CTNNA3: variants seen among roughly 807,000 people sequenced by gnomAD.
CTNNA3 encodes catenin alpha 3.
Under a neutral mutation model 95.7 loss-of-function variants are expected in CTNNA3, and 76 were observed. The ratio of observed to expected loss-of-function variants is 0.79; its 90% CI spans 0.66 to 0.96. The LOEUF (loss-of-function observed/expected upper bound fraction) is 0.96, where lower values mean the gene tolerates loss of function less well. Ranked by LOEUF, CTNNA3 falls within the 40% of genes least tolerant of loss-of-function variation. The pLI is 0.00. For missense variants in CTNNA3, 1,191 were observed against 1,089.8 expected (o/e 1.09, Z -1.31); for synonymous variants, 431 against 374.4 (o/e 1.15, Z -1.74).
chr10:67,432,940 G>A (rs12249176), intron 5 of CTNNA3, among the ~76,000 whole-genome samples: 18,232 of 151,972 alleles, frequency 0.12, 1,583 homozygotes, highest in African/African-American at 0.24. Flanking sequence ...TTTTCTAGAA[G>A]AGTATGTGTA....
chr10:66,062,687 A>C (rs2080227405), intron 15 of CTNNA3, among the ~76,000 whole-genome samples: 2 of 152,150 alleles, frequency 1.3e-5, no homozygotes, highest in Non-Finnish European at 2.9e-5. Flanking sequence ...CAAGCACAAG[A>C]GATTATCAGA....
In CTNNA3 at chr10:66,067,864, C is replaced by T. The variant is rs182802198; in HGVS notation, c.2159+1444G>A. ...CCCAAAGGCAGAGGTTGCAGTGAGC[C>T]GAGATCGTGCCACTGCACTCCAGCC... On this transcript the variant is annotated intron_variant, in intron 15 of 17. Coordinates refer to ENST00000433211, the MANE Select transcript of CTNNA3 (RefSeq NM_013266.4). Among the ~76,000 whole-genome samples, 390 of 152,018 alleles carry T rather than the reference C, an allele frequency of 2.6e-3. 5 individuals are homozygous for T. Among genetic ancestry groups the T allele is most frequent in the African/African-American group, 9.1e-3 (376 of 41,452 alleles).
At chr10:66,826,222 G>A (rs1437781772) in intron 7 of CTNNA3, among the ~76,000 whole-genome samples, 2 of 152,112 alleles carry the variant, frequency 1.3e-5, no homozygotes, top group African/African-American at 4.8e-5. Context: ...CTGTGTCAAT[G>A]GTAGAGCAAT....
intron 13 of CTNNA3, among the ~76,000 whole-genome samples, chr10:66,189,754 A>C (rs1480024647): frequency 2.6e-5 from 4 of 151,628 alleles, no homozygotes; most frequent in African/African-American, 9.7e-5. Context: ...TTTTATATTT[A>C]GGTATATGTT....
intron 5 of CTNNA3, among the ~76,000 whole-genome samples, chr10:67,295,460 G>A (rs544021250): frequency 6.6e-6 from 1 of 151,938 alleles, no homozygotes. Flanking sequence ...TTTGAGTCAC[G>A]TGGGAATTCC....
intron 5 of CTNNA3, among the ~76,000 whole-genome samples, chr10:67,443,939 T>C (rs1413980166): frequency 3.3e-5 from 5 of 152,204 alleles, no homozygotes; most frequent in African/African-American, 1.2e-4. Context: ...GGTCTAATGT[T>C]TAAGTCTTTA....
intron 15 of CTNNA3, among the ~76,000 whole-genome samples, chr10:66,030,456 G>A (rs1488725461): frequency 6.6e-6 from 1 of 152,116 alleles, no homozygotes; most frequent in Admixed American, 6.5e-5. Flanking sequence ...AAGCAATGGG[G>A]AAAGGATTCC....
intron 11 of CTNNA3, among the ~76,000 whole-genome samples, chr10:66,390,508 G>A (rs2092926638): frequency 6.6e-6 from 1 of 152,054 alleles, no homozygotes; most frequent in Non-Finnish European, 1.5e-5. Context: ...GCTACCCAGT[G>A]TATATGAGCT....
intron 12 of CTNNA3, among the ~76,000 whole-genome samples, chr10:66,378,898 A>C (rs1440854087): frequency 6.6e-6 from 1 of 152,324 alleles, no homozygotes; most frequent in South Asian, 2.1e-4. Flanking sequence ...TGAACATTCT[A>C]AGTGGTTTCT....
At chr10:66,377,301 T>G (rs1417055847) in intron 12 of CTNNA3, among the ~76,000 whole-genome samples, 4 of 152,084 alleles carry the variant, frequency 2.6e-5, no homozygotes, top group Non-Finnish European at 4.4e-5. Flanking sequence ...ACATAATTTA[T>G]CTAGAGAATT....
chr10:67,268,792 T>C (rs1365792743), intron 5 of CTNNA3, among the ~76,000 whole-genome samples: 2 of 152,218 alleles, frequency 1.3e-5, no homozygotes, highest in Non-Finnish European at 2.9e-5. Flanking sequence ...AGCTATTGTA[T>C]ATGCAAATGA....
intron 7 of CTNNA3, among the ~76,000 whole-genome samples, chr10:66,846,126 T>C (rs559628600): frequency 1.1e-3 from 156 of 135,888 alleles, no homozygotes; most frequent in African/African-American, 4.3e-3. Flanking sequence ...AGCGAGACTC[T>C]GTCTCAAAAA....
intron 7 of CTNNA3, among the ~76,000 whole-genome samples, chr10:67,175,180 C>T (rs771145226): frequency 5.3e-5 from 8 of 151,414 alleles, no homozygotes; most frequent in African/African-American, 1.9e-4. Context: ...AAAACATAGG[C>T]TGAAAACTGC....
chr10:66,724,707 G>A (rs117510036), intron 9 of CTNNA3, among the ~76,000 whole-genome samples: 3,388 of 152,206 alleles, frequency 0.022, 51 homozygotes, highest in Non-Finnish European at 0.038. Context: ...ACATACTTTG[G>A]AAAGAGAAGT....
At chr10:66,365,278 C>G (rs1320689032) in intron 12 of CTNNA3, among the ~76,000 whole-genome samples, 2 of 152,058 alleles carry the variant, frequency 1.3e-5, no homozygotes, top group African/African-American at 4.8e-5. Context: ...AGCAAACTAT[C>G]ATAAGATGAG....
At position 65,982,202 on chromosome 10, in the gene CTNNA3, C is replaced by CA. The variant is rs200261953; in HGVS notation, c.2265+6489dup. Among the ~76,000 whole-genome samples, 1,351 of 137,890 alleles carry CA rather than the reference C, an allele frequency of 9.8e-3. 14 individuals carry two copies. Among genetic ancestry groups the CA allele is most frequent in the African/African-American group, 0.014 (512 of 37,144 alleles). 90.5% of individuals were successfully genotyped at this position (137,890 alleles called of 152,430 possible). A position where few individuals can be genotyped will look rare whatever the true frequency, so the allele number is the denominator to read the frequency against. ...GCTAAGGACATGAATAGACGATTCT[C>CA]AAAAAAAAAAAGATATACAAATGGC... On this transcript the variant is annotated intron_variant, in intron 16 of 17. Transcript: ENST00000433211.
intron 5 of CTNNA3, among the ~76,000 whole-genome samples, chr10:67,257,275 G>C (rs755275912): frequency 1.4e-5 from 2 of 142,360 alleles, no homozygotes; most frequent in Non-Finnish European, 3.1e-5. Flanking sequence ...ATAAAGACAG[G>C]GTTTGTGATT....
In CTNNA3 at chr10:67,750,082, C is replaced by T. The variant is rs539067682; in HGVS notation, c.-2+13352G>A. On this transcript the variant is annotated intron_variant, in intron 1 of 17. Coordinates refer to the CTNNA3 transcript ENST00000684154. ...TTTGAAGTCAGCGAGACTATGAACC[C>T]GCCAGAAGGAAGAAACTCTGGACAC... Among the ~76,000 whole-genome samples the T allele has an allele frequency of 3.3e-5, 5 of 152,198 alleles. No homozygotes were observed. The South Asian group carries it at 8.3e-4, about 25-fold the overall frequency.
chr10:66,560,562 T>G (rs1842522557), intron 10 of CTNNA3, among the ~76,000 whole-genome samples: 1 of 152,088 alleles, frequency 6.6e-6, no homozygotes, highest in South Asian at 2.1e-4. Context: ...TGTACTTTTA[T>G]CATTTGGGAA....
Sources: allele counts gnomAD v4.1 joint callset (sites outside exome capture counted in the v4.1 genomes callset), GRCh38; gene constraint gnomAD v4.1.1; transcripts MANE v1.5; gene names NCBI Gene and HGNC (gene_info 2026-07-23, HGNC 2026-07-21).